The following GABRD variants were observed in gnomAD, a reference collection of about 807,000 sequenced individuals.
The protein encoded by GABRD is gamma-aminobutyric acid receptor subunit delta.
In GABRD, 25 loss-of-function variants were observed where a neutral mutation model predicts 47.3. The observed-to-expected ratio is 0.53, with a 90% CI of 0.39 to 0.74. The LOEUF is 0.74. GABRD is among the 30% of genes least tolerant of loss of function. The pLI is 0.00. For synonymous variants in GABRD, 314 were observed against 278.8 expected (o/e 1.13, Z -1.26); for missense variants, 497 against 643.4 (o/e 0.77, Z 2.46).
Position 2,029,132 on chromosome 1 carries a change from G to C in GABRD, c.713G>C (p.Ser238Thr), listed in dbSNP as rs1484812847. ...FKSAGQFPRL[S>T]LHFHLRRNRG... The stretch of plus-strand genomic sequence containing the variant: ...GCAGCTGGCCAGTTCCCACGGCTCA[G>C]CCTGCACTTCCACCTGCGGAGGAAC... Residue 238 changes from serine to threonine, a missense_variant, in exon 7 of 9, where the codon AGC (serine) becomes ACC (threonine). Transcript: ENST00000378585. 1.3e-6 allele frequency: 2 copies of C among 1,543,646 alleles called. No individual in the cohort carries two copies. Among genetic ancestry groups the C allele is most frequent in the African/African-American group, 2.7e-5 (2 of 73,078 alleles).
chr1:2,020,291 C>G (rs1658739243), intron 1 of GABRD, among the ~76,000 whole-genome samples: 1 of 152,252 alleles, frequency 6.6e-6, no homozygotes, highest in Non-Finnish European at 1.5e-5. Flanking sequence ...TGGCCGCCTT[C>G]CCTAGGAGTC....
intron 1 of GABRD, among the ~76,000 whole-genome samples, chr1:2,021,909 G>A (rs1324105341): frequency 6.6e-6 from 1 of 152,218 alleles, no homozygotes; most frequent in African/African-American, 2.4e-5. Flanking sequence ...GCGCAGACAA[G>A]TGACAGGGAT....
At chr1:2,019,893 AG>A (rs1205406268) in intron 1 of GABRD, among the ~76,000 whole-genome samples, 8 of 152,088 alleles carry the variant, frequency 5.3e-5, no homozygotes, top group African/African-American at 1.2e-4. Flanking sequence ...CGGTGCGGGG[AG>A]GCTGCTCCCT....
rs754160389 is a variant in GABRD at position 2,024,928 on chromosome 1, C to G, written c.69-14C>G. 1.9e-6 allele frequency: 3 copies of G among 1,590,720 alleles called. No homozygotes were observed. Among genetic ancestry groups the G allele is most frequent in the Admixed American group, 1.7e-5 (1 of 59,936 alleles). ...AAGTCCTGGCCTGTCTGACCGGTGG[C>G]TTTGCATCCCCAGAGCGATGAATGA... On this transcript the variant is annotated splice_polypyrimidine_tract_variant and intron_variant, in intron 1 of 8. Transcript: ENST00000378585.
At position 2,028,322 on chromosome 1, in the gene GABRD, G is replaced by GT; in HGVS notation, c.691+31dup. 6.3e-7 allele frequency: 1 copy of GT among 1,592,518 alleles called. No individual in the cohort carries two copies. ...CATATGCCCGCCGCCCCTTCCGCATGTGCCCGCCGCCCCTTCCGCGCGCGC... is the reference window on the plus strand; with the variant it reads ...CATATGCCCGCCGCCCCTTCCGCATGTTGCCCGCCGCCCCTTCCGCGCGCGC... On this transcript the variant is annotated intron_variant, in intron 6 of 8. Transcript: ENST00000378585. The surrounding 1 kb of genome is among the most constrained non-coding windows in gnomAD (Gnocchi z 6.4).
intron 1 of GABRD, among the ~76,000 whole-genome samples, chr1:2,020,902 T>A (rs1226821456): frequency 1.3e-5 from 2 of 152,216 alleles, no homozygotes; most frequent in Admixed American, 6.5e-5. Context: ...TATATACACT[T>A]CCTGCTGGGA....
At position 2,027,490 on chromosome 1, in the gene GABRD, CA is replaced by C. The variant is rs528792200; in HGVS notation, c.471-86del. ...GTAGCTGGGGCTCCAGGCAGGTGCT[CA>C]GGGGGCATCTCTGCAGGGGAACTGC... is the stretch of plus-strand genomic sequence containing the variant. On this transcript the variant is annotated intron_variant, in intron 4 of 8. Coordinates refer to ENST00000378585, the MANE Select transcript of GABRD (RefSeq NM_000815.5). 2.5e-4 allele frequency: 259 copies of C among 1,050,046 alleles called. 1 individual carries two copies. In the African/African-American group the frequency reaches 3.5e-3, roughly 14 times the overall value. 65.0% of individuals were successfully genotyped at this position (1,050,046 alleles called of 1,614,324 possible).
chr1:2,023,326 G>A (rs1391318197), intron 1 of GABRD, among the ~76,000 whole-genome samples: 1 of 152,024 alleles, frequency 6.6e-6, no homozygotes, highest in East Asian at 1.9e-4. Context: ...CACTGGGAGG[G>A]TGCTGCACGG....
rs375272573 is a variant in GABRD at position 2,028,213 on chromosome 1, C to T, written c.612C>T (p.His204=). The T allele has an allele frequency of 5.3e-5, 86 of 1,612,552 alleles. No individual in the cohort carries two copies. Among genetic ancestry groups the T allele is most frequent in the Middle Eastern group, 1.7e-4 (1 of 6,032 alleles). The change falls in exon 6 of 9, where the codon CAC becomes CAT. Residue 204 remains histidine, a synonymous_variant. Coordinates refer to ENST00000378585, the MANE Select transcript of GABRD (RefSeq NM_000815.5). The surrounding 1 kb of genome is among the most constrained non-coding windows in gnomAD (Gnocchi z 6.4). Reference sequence around the variant, plus strand: ...GGTCGGAGAGCCAGGAGCACATCCACGGGCTGGACAAGCTGCAGCTGGCGC... The same window carrying T: ...GGTCGGAGAGCCAGGAGCACATCCATGGGCTGGACAAGCTGCAGCTGGCGC... ...YYWSESQEHI[H]GLDKLQLAQF...
intron 5 of GABRD, 183 bp downstream of exon 5, chr1:2,027,842 G>A (rs1658970875): frequency 9.0e-6 from 6 of 664,152 alleles, no homozygotes; most frequent in Non-Finnish European, 2.7e-6. Context: ...AGTCTGGCTT[G>A]TGGGTCTGTG....
chr1:2,021,299 G>A (rs1162224701), intron 1 of GABRD, among the ~76,000 whole-genome samples: 1 of 152,192 alleles, frequency 6.6e-6, no homozygotes, highest in East Asian at 1.9e-4. Context: ...GGCGTCTAGG[G>A]GCAGGCCTGG....
In GABRD at chr1:2,020,587, G is replaced by A. The variant is rs553950849; in HGVS notation, c.68+1096G>A. On this transcript the variant is annotated intron_variant, in intron 1 of 8. Transcript: ENST00000378585. ...CACTGCCCCTGGCTCTAAGCAGCCCGTGTCCTGGGAAGAGCTTTGTTCTTC... is the reference window on the plus strand; with the variant it reads ...CACTGCCCCTGGCTCTAAGCAGCCCATGTCCTGGGAAGAGCTTTGTTCTTC... Among the ~76,000 whole-genome samples, 8 of 152,312 alleles carry A rather than the reference G, an allele frequency of 5.3e-5. 1 individual carries two copies. The South Asian group carries it at 1.4e-3, about 28-fold the overall frequency.
intron 5 of GABRD, chr1:2,027,894 G>A (rs972170504): frequency 8.1e-6 from 5 of 618,846 alleles, no homozygotes; most frequent in South Asian, 1.9e-5. Flanking sequence ...GACATGGCAC[G>A]GATTGATATT....
In GABRD at chr1:2,024,910, G is replaced by A. The variant is rs570551609; in HGVS notation, c.69-32G>A. The stretch of plus-strand genomic sequence containing the variant: ...GCTCAGTGGAATTAAATTAAGTCCT[G>A]GCCTGTCTGACCGGTGGCTTTGCAT... On this transcript the variant is annotated intron_variant, in intron 1 of 8. Coordinates refer to ENST00000378585, the MANE Select transcript of GABRD (RefSeq NM_000815.5). The A allele has an allele frequency of 1.9e-5, 28 of 1,496,374 alleles. No individual in the cohort carries two copies. The South Asian group carries it at 2.8e-4, about 15-fold the overall frequency. 92.7% of individuals were successfully genotyped at this position (1,496,374 alleles called of 1,614,324 possible). A position where few individuals can be genotyped will look rare whatever the true frequency, so the allele number is the denominator to read the frequency against.
At position 2,028,067 on chromosome 1, in the gene GABRD, G is replaced by T. The variant is rs984997835; in HGVS notation, c.554-88G>T. On this transcript the variant is annotated intron_variant, in intron 5 of 8. Transcript: ENST00000378585. The surrounding 1 kb of genome is among the most constrained non-coding windows in gnomAD (Gnocchi z 6.4). The stretch of plus-strand genomic sequence containing the variant: ...CCCATCACGATGGCGTCGGCCCCCT[G>T]CAGGCTTCCTGTGTGGACGGAGCGC... The T allele has an allele frequency of 6.9e-7, 1 of 1,458,986 alleles. No individual in the cohort carries two copies. The highest frequency in any genetic ancestry group is 1.3e-5 in the South Asian group (1 of 77,248). 90.4% of individuals were successfully genotyped at this position (1,458,986 alleles called of 1,614,324 possible).
chr1:2,029,198 T>C lies in GABRD; in HGVS notation c.779T>C (p.Leu260Pro). ...ATCCAATCCTACATGCCCTCCGTCCTGCTGGTCGCCATGTCCTGGGTCTCC... is the reference window on the plus strand; with the variant it reads ...ATCCAATCCTACATGCCCTCCGTCCCGCTGGTCGCCATGTCCTGGGTCTCC... ...YIIQSYMPSV[L>P]LVAMSWVSFW... is the part of the protein sequence containing the mutation. Residue 260 changes from leucine (L) to proline (P), a missense_variant, in exon 7 of 9, where the codon CTG becomes CCG. Physicochemically the swap from Leu to Pro is moderately conservative, Grantham distance 98 (BLOSUM62 -3). This residue lies in a region of GABRD where 285 missense variants were observed against 436.6 expected (regional missense o/e 0.65). Coordinates refer to ENST00000378585, the MANE Select transcript of GABRD (RefSeq NM_000815.5). The C allele has an allele frequency of 6.4e-7, 1 of 1,568,220 alleles. No individual in the cohort carries two copies. Among genetic ancestry groups the C allele is most frequent in the Non-Finnish European group, 8.6e-7 (1 of 1,158,046 alleles).
chr1:2,021,734 G>A (rs1027037332), intron 1 of GABRD, among the ~76,000 whole-genome samples: 3 of 152,208 alleles, frequency 2.0e-5, no homozygotes, highest in African/African-American at 4.8e-5. Flanking sequence ...GCCAGCTCGC[G>A]GTGCGCTGGT....
At chr1:2,027,896 A>G (rs1391394663) in intron 5 of GABRD, 5 of 618,868 alleles carry the variant, frequency 8.1e-6, no homozygotes, top group Non-Finnish European at 1.4e-5. Context: ...CATGGCACGG[A>G]TTGATATTGT....
chr1:2,028,310 C>T lies in GABRD; in HGVS notation c.691+18C>T, dbSNP rs1165258367. ...CAAGTCCGGTAACATATGCCCGCCGCCCCTTCCGCATGTGCCCGCCGCCCC... is the reference window on the plus strand; with the variant it reads ...CAAGTCCGGTAACATATGCCCGCCGTCCCTTCCGCATGTGCCCGCCGCCCC... On this transcript the variant is annotated intron_variant, in intron 6 of 8. Coordinates refer to ENST00000378585, the MANE Select transcript of GABRD (RefSeq NM_000815.5). The surrounding 1 kb of genome is among the most constrained non-coding windows in gnomAD (Gnocchi z 6.4). 4 of 1,601,680 alleles carry T rather than the reference C, an allele frequency of 2.5e-6. No homozygotes were observed. The highest frequency in any genetic ancestry group is 3.4e-5 in the Admixed American group (2 of 59,548).
Sources: allele counts gnomAD v4.1 joint callset (sites outside exome capture counted in the v4.1 genomes callset), GRCh38; gene constraint gnomAD v4.1.1; regional missense constraint gnomAD v4.1.1; non-coding constraint Gnocchi (gnomAD v3.1); transcripts MANE v1.5; gene names NCBI Gene and HGNC (gene_info 2026-07-23, HGNC 2026-07-21).